The following WNK1 variants were observed in gnomAD, a reference collection of about 807,000 sequenced individuals.
WNK1 encodes the protein serine/threonine-protein kinase WNK1.
In WNK1, 38 loss-of-function variants were observed where a neutral mutation model predicts 222.8. That is an observed-to-expected ratio of 0.17 (90% confidence interval 0.13 to 0.22). WNK1 has a LOEUF of 0.22. Ranked by LOEUF, WNK1 falls within the 10% of genes least tolerant of loss-of-function variation. The probability of loss-of-function intolerance (pLI) is 1.00; values close to 1 mark genes in which losing one functional copy is unlikely to be tolerated. For synonymous variants in WNK1, 1,090 were observed against 1,092.9 expected (o/e 1.00, Z 0.05); for missense variants, 2,348 against 2,918.4 (o/e 0.80, Z 4.50).
At position 900,556 on chromosome 12, in the gene WNK1, G is replaced by A. The variant is rs375805785; in HGVS notation, c.6529G>A (p.Gly2177Arg). ...CCCTCCTGGCAACATCCCAGAGTCC[G>A]GGCAGAATCAGCTGTTACAGCCCCT... is the stretch of plus-strand genomic sequence containing the variant. ...LHPPGNIPES[G>R]QNQLLQPLKP... Residue 2177 changes from glycine to arginine, a missense_variant, in exon 26 of 28, where the codon GGG (glycine) becomes AGG (arginine). Transcript: ENST00000315939. The A allele has an allele frequency of 2.0e-5, 32 of 1,614,066 alleles. No individual in the cohort carries two copies. The highest frequency in any genetic ancestry group is 2.7e-5 in the African/African-American group (2 of 74,920).
At chr12:889,461 G>T (rs150729587) in intron 21 of WNK1, among the ~76,000 whole-genome samples, 66 of 152,322 alleles carry the variant, frequency 4.3e-4, no homozygotes, top group African/African-American at 1.5e-3. Flanking sequence ...GTCAGATTGT[G>T]CCATAGATCA....
At position 753,664 on chromosome 12, in the gene WNK1, C is replaced by T. The variant is rs748052079; in HGVS notation, c.99C>T (p.Ser33=). 1.9e-6 allele frequency: 3 copies of T among 1,612,528 alleles called. No individual in the cohort carries two copies. The highest frequency in any genetic ancestry group is 1.3e-5 in the African/African-American group (1 of 75,034). The change falls in exon 1 of 28, where the codon TCC becomes TCT. Residue 33 remains serine, a synonymous_variant. Transcript: ENST00000315939. The surrounding 1 kb of genome is among the most constrained non-coding windows in gnomAD (Gnocchi z 5.2). ...PAPKNGSSSD[S]SVGEKLGAAA... The stretch of plus-strand genomic sequence containing the variant: ...CCAAGAATGGCTCCAGCTCCGATTC[C>T]TCCGTGGGGGAGAAACTGGGAGCCG...
At chr12:788,405 T>G (rs1416298152) in intron 1 of WNK1, among the ~76,000 whole-genome samples, 3 of 152,156 alleles carry the variant, frequency 2.0e-5, no homozygotes, top group Non-Finnish European at 2.9e-5. Context: ...ATAGTTATAC[T>G]CTGCTAACAT....
chr12:780,656 C>G (rs1943601838), intron 1 of WNK1, among the ~76,000 whole-genome samples: 2 of 152,172 alleles, frequency 1.3e-5, no homozygotes, highest in African/African-American at 4.8e-5. Flanking sequence ...TTATTGAAAA[C>G]CAAATAGGAA....
chr12:753,753 A>G lies in WNK1; in HGVS notation c.188A>G (p.Lys63Arg). The change falls in exon 1 of 28, where the codon AAG becomes AGG. Residue 63 changes from lysine (K) to arginine (R), a missense_variant. Lys to Arg is a conservative substitution (Grantham distance 26). This residue lies in a region of WNK1 where 108 missense variants were observed against 109.7 expected (regional missense o/e 0.98). Coordinates refer to ENST00000315939, the MANE Select transcript of WNK1 (RefSeq NM_018979.4). The surrounding 1 kb of genome is among the most constrained non-coding windows in gnomAD (Gnocchi z 5.2). ...EYRRRRHTMD[K>R]DSRGAAATTT... ...AGGCGCCGCCGCCACACTATGGACA[A>G]GGACAGCCGTGGGGCGGCCGCGACC... The G allele has an allele frequency of 1.2e-6, 2 of 1,612,314 alleles. No individual in the cohort carries two copies. The highest frequency in any genetic ancestry group is 4.5e-5 in the East Asian group (2 of 44,850).
chr12:863,099 A>G (rs994135255), intron 8 of WNK1, among the ~76,000 whole-genome samples: 1 of 151,532 alleles, frequency 6.6e-6, no homozygotes, highest in East Asian at 1.9e-4. Flanking sequence ...TTAGAAAATA[A>G]GTAACTTGTC....
At chr12:857,423 T>TAC (rs1420489098) in intron 5 of WNK1, among the ~76,000 whole-genome samples, 174 bp downstream of exon 5, 1 of 152,236 alleles carries the variant, frequency 6.6e-6, no homozygotes, top group Non-Finnish European at 1.5e-5. Flanking sequence ...AGATTTGATA[T>TAC]ACTGGAACAC....
At position 884,880 on chromosome 12, in the gene WNK1, C is replaced by G; in HGVS notation, c.4076C>G (p.Thr1359Arg). The change falls in exon 19 of 28, where the codon ACA becomes AGA. Residue 1359 changes from threonine to arginine, a missense_variant. This residue lies in a region of WNK1 where 1,144 missense variants were observed against 1,273.6 expected (regional missense o/e 0.90). Coordinates refer to ENST00000315939, the MANE Select transcript of WNK1 (RefSeq NM_018979.4). This position sits in a 1 kb window ranked among gnomAD's most constrained non-coding sequence, Gnocchi z 5.6. ...GCAGCCACAGCACCAGTCCCTGCAACAAGCAGCCCTCCTAATGACATTTCC... is the reference window on the plus strand; with the variant it reads ...GCAGCCACAGCACCAGTCCCTGCAAGAAGCAGCCCTCCTAATGACATTTCC... ...TAAATAPVPA[T>R]SSPPNDISTS... is the part of the protein sequence containing the mutation. 6.2e-7 allele frequency: 1 copy of G among 1,614,194 alleles called. No individual in the cohort carries two copies. Among genetic ancestry groups the G allele is most frequent in the Non-Finnish European group, 8.5e-7 (1 of 1,180,026 alleles).
intron 1 of WNK1, among the ~76,000 whole-genome samples, chr12:809,542 A>C (rs1331035888): frequency 6.6e-6 from 1 of 152,206 alleles, no homozygotes; most frequent in East Asian, 1.9e-4. Flanking sequence ...ATTATACTTC[A>C]AAACACCTTG....
At chr12:754,743 C>G (rs890249504) in intron 1 of WNK1, among the ~76,000 whole-genome samples, 4 of 152,232 alleles carry the variant, frequency 2.6e-5, no homozygotes, top group African/African-American at 9.6e-5. Context: ...TCAGGCTGTT[C>G]TTTTTAAATG....
At chr12:851,734 C>T (rs1950435617) in intron 4 of WNK1, 2 of 1,346,136 alleles carry the variant, frequency 1.5e-6, no homozygotes, top group South Asian at 1.2e-5. Context: ...TATTTGTCAT[C>T]ATAAATTCTC....
At chr12:851,624 G>A in intron 4 of WNK1, 1 of 1,277,740 alleles carries the variant, frequency 7.8e-7, no homozygotes, top group Non-Finnish European at 1.0e-6. Flanking sequence ...TTATGCTGTG[G>A]GCTGATGTAC....
intron 21 of WNK1, among the ~76,000 whole-genome samples, chr12:889,669 T>C (rs1410988362): frequency 6.6e-6 from 1 of 151,936 alleles, no homozygotes; most frequent in African/African-American, 2.4e-5. Context: ...ATACAAAAAA[T>C]TATCCAGGTG....
Position 880,865 on chromosome 12 carries a change from A to C in WNK1, c.2977A>C (p.Thr993Pro). The C allele has an allele frequency of 6.2e-7, 1 of 1,613,960 alleles. No individual in the cohort carries two copies. Among genetic ancestry groups the C allele is most frequent in the East Asian group, 2.2e-5 (1 of 44,880 alleles). ...ACTGGCTACACCTGGGTACTTTCCC[A>C]CAGTGGTGCAGCCTTATGTGGAATC... ...EVLATPGYFP[T>P]VVQPYVESNL... Residue 993 changes from threonine to proline, a missense_variant, in exon 12 of 28, where the codon ACA (threonine) becomes CCA (proline). Thr to Pro is a conservative substitution (Grantham distance 38). This residue lies in a region of WNK1 where 547 missense variants were observed against 558.3 expected (regional missense o/e 0.98). Transcript: ENST00000315939.
At chr12:904,523 C>T in intron 26 of WNK1, 1 of 1,287,540 alleles carries the variant, frequency 7.8e-7, no homozygotes, top group Middle Eastern at 2.1e-4. Context: ...ATTTTTGGTC[C>T]TTGATTGCAA....
chr12:871,203 C>G, intron 8 of WNK1, 62 bp from the exon 9 acceptor site: 1 of 1,471,654 alleles, frequency 6.8e-7, no homozygotes, highest in Non-Finnish European at 9.5e-7. Flanking sequence ...TTGCAAAAGC[C>G]TGACCTCTAT....
chr12:840,447 A>C (rs1591956458), intron 4 of WNK1, among the ~76,000 whole-genome samples: 1 of 116,142 alleles, frequency 8.6e-6, no homozygotes, highest in Non-Finnish European at 2.1e-5. Context: ...TATATTTTTT[A>C]ATGTTTGGGG....
chr12:883,328 AG>A, intron 15 of WNK1, 66 bp from the exon 16 acceptor site: 1 of 1,559,002 alleles, frequency 6.4e-7, no homozygotes, highest in Non-Finnish European at 8.8e-7. Flanking sequence ...ATAGGACAGA[AG>A]TCATAAAAGT....
At position 896,072 on chromosome 12, in the gene WNK1, T is replaced by C. The variant is rs775349359; in HGVS notation, c.5585T>C (p.Val1862Ala). Residue 1862 changes from valine to alanine, a missense_variant and splice_region_variant, in exon 24 of 28, where the codon GTT becomes GCT. Val to Ala is a moderately conservative substitution (Grantham distance 64, BLOSUM62 0). This residue lies in a region of WNK1 where 1,144 missense variants were observed against 1,273.6 expected (regional missense o/e 0.90). Transcript: ENST00000315939. ...AGVFKMGRFQ[V>A]SVAADGAQKE... ...TTAATCTTTGTCCTTTTTTATCAGG[T>C]TTCTGTTGCAGCAGACGGTGCCCAG... is the stretch of plus-strand genomic sequence containing the variant. 2 of 1,614,164 alleles carry C rather than the reference T, an allele frequency of 1.2e-6. No individual in the cohort carries two copies. Among genetic ancestry groups the C allele is most frequent in the Admixed American group, 3.3e-5 (2 of 60,012 alleles).
Sources: allele counts gnomAD v4.1 joint callset (sites outside exome capture counted in the v4.1 genomes callset), GRCh38; gene constraint gnomAD v4.1.1; regional missense constraint gnomAD v4.1.1; non-coding constraint Gnocchi (gnomAD v3.1); transcripts MANE v1.5; gene names NCBI Gene and HGNC (gene_info 2026-07-23, HGNC 2026-07-21).